The following CHL1 variants were observed in gnomAD, a reference collection of about 807,000 sequenced individuals.
The protein encoded by CHL1 is neural cell adhesion molecule L1-like protein.
Under a neutral mutation model 141.9 loss-of-function variants are expected in CHL1, and 96 were observed. That is an observed-to-expected ratio of 0.68 (90% confidence interval 0.57 to 0.80). The LOEUF (loss-of-function observed/expected upper bound fraction) is 0.80. Among genes scored for constraint, CHL1 ranks in the 30% least tolerant of loss-of-function variants. The probability of loss-of-function intolerance (pLI) is 0.00; values close to 1 mark genes in which losing one functional copy is unlikely to be tolerated. For synonymous variants in CHL1, 613 were observed against 502.2 expected, an observed-to-expected ratio of 1.22 and a Z score of -2.95; for missense variants, 1,820 against 1,457.2, an observed-to-expected ratio of 1.25 and a Z score of -4.05.
At chr3:227,350 C>G (rs1701446876) in intron 1 of CHL1, among the ~76,000 whole-genome samples, 1 of 152,206 alleles carries the variant, frequency 6.6e-6, no homozygotes, top group Non-Finnish European at 1.5e-5. Flanking sequence ...TGTGTGCAAG[C>G]TCCAGTGATG....
chr3:229,325 G>T (rs561171155), intron 1 of CHL1, among the ~76,000 whole-genome samples: 1 of 152,186 alleles, frequency 6.6e-6, no homozygotes, highest in African/African-American at 2.4e-5. Flanking sequence ...GGAGAAAATG[G>T]CATTCACAGA....
intron 2 of CHL1, among the ~76,000 whole-genome samples, chr3:313,334 G>A (rs981894187): frequency 9.9e-5 from 15 of 152,148 alleles, no homozygotes; most frequent in African/African-American, 3.1e-4. Flanking sequence ...AATGTGCTAT[G>A]TCAAACCAGC....
intron 1 of CHL1, among the ~76,000 whole-genome samples, chr3:230,763 G>A (rs1316236620): frequency 6.6e-6 from 1 of 151,970 alleles, no homozygotes; most frequent in Non-Finnish European, 1.5e-5. Flanking sequence ...TATTCTTATA[G>A]GCAGATTGCA....
At chr3:401,325 A>G (rs1439459159) in intron 26 of CHL1, among the ~76,000 whole-genome samples, 1 of 152,194 alleles carries the variant, frequency 6.6e-6, no homozygotes, top group Non-Finnish European at 1.5e-5. Flanking sequence ...GAGAAATCAA[A>G]CTCAGTTGGG....
chr3:255,000 T>C (rs545507522), intron 2 of CHL1, among the ~76,000 whole-genome samples: 1 of 152,342 alleles, frequency 6.6e-6, no homozygotes, highest in African/African-American at 2.4e-5. Context: ...TTTCCTCAGA[T>C]ACCAGGATTT....
rs1284810282 is a variant in CHL1 at position 408,766 on chromosome 3, A to G, written c.*3055A>G. 1.3e-5 allele frequency: 2 copies of G among 152,140 alleles called. No individual in the cohort carries two copies. The highest frequency in any genetic ancestry group is 2.9e-5 in the Non-Finnish European group (2 of 68,010). 9.4% of individuals were successfully genotyped at this position (152,140 alleles called of 1,614,324 possible). ...GAAAATTAAGCAGGGTCTTTGCTAT[A>G]CAAAAGTGTTTTCCACTAATTTTGC... On this transcript the variant is annotated 3_prime_UTR_variant, in exon 28 of 28. Coordinates refer to ENST00000256509, the MANE Select transcript of CHL1 (RefSeq NM_006614.4).
intron 5 of CHL1, among the ~76,000 whole-genome samples, chr3:334,977 C>G (rs1467163416): frequency 6.6e-6 from 1 of 152,172 alleles, no homozygotes; most frequent in African/African-American, 2.4e-5. Flanking sequence ...TTTGCACATG[C>G]TATTAAAATA....
chr3:213,104 G>T (rs886737992), intron 1 of CHL1: 1 of 152,186 alleles, frequency 6.6e-6, no homozygotes, highest in Non-Finnish European at 1.5e-5. Flanking sequence ...CAGACTCTGG[G>T]CTTGAACCCT....
intron 15 of CHL1, among the ~76,000 whole-genome samples, chr3:367,068 A>G (rs1425548522): frequency 1.3e-5 from 2 of 152,282 alleles, no homozygotes; most frequent in Non-Finnish European, 2.9e-5. Flanking sequence ...ATAAAAGAGA[A>G]CATATAGAGG....
At chr3:209,424 T>A (rs1015548740) in intron 1 of CHL1, among the ~76,000 whole-genome samples, 4 of 152,150 alleles carry the variant, frequency 2.6e-5, no homozygotes. Context: ...CATTAAGAAA[T>A]TATTTTAAAA....
chr3:403,502 G>T (rs1268959345), intron 27 of CHL1, among the ~76,000 whole-genome samples: 1 of 151,984 alleles, frequency 6.6e-6, no homozygotes, highest in East Asian at 1.9e-4. Context: ...AGCTGAGATT[G>T]TGCCACTGCA....
intron 6 of CHL1, 152 bp downstream of exon 6, chr3:341,068 G>T (rs1256093161): frequency 1.2e-6 from 1 of 811,020 alleles, no homozygotes; most frequent in Non-Finnish European, 1.9e-6. Context: ...GATAAGATTT[G>T]TCTGTGAAGA....
intron 1 of CHL1, among the ~76,000 whole-genome samples, chr3:205,565 C>T (rs1699356232): frequency 6.6e-6 from 1 of 152,072 alleles, no homozygotes; most frequent in Non-Finnish European, 1.5e-5. Flanking sequence ...GAACGTAGTC[C>T]TGGCCAAAGA....
intron 16 of CHL1, among the ~76,000 whole-genome samples, chr3:381,873 T>C (rs1173715334): frequency 6.6e-6 from 1 of 152,176 alleles, no homozygotes; most frequent in African/African-American, 2.4e-5. Flanking sequence ...ATTAAGATGT[T>C]ATCTTCAGTT....
intron 2 of CHL1, among the ~76,000 whole-genome samples, chr3:295,597 C>T (rs994661764): frequency 5.9e-5 from 9 of 152,012 alleles, no homozygotes; most frequent in South Asian, 2.1e-4. Flanking sequence ...CCATCTCTGT[C>T]AGAGTTCTCA....
chr3:364,633 G>A (rs1188459060), intron 14 of CHL1, among the ~76,000 whole-genome samples: 1 of 152,046 alleles, frequency 6.6e-6, no homozygotes, highest in Non-Finnish European at 1.5e-5. Flanking sequence ...GAGGATTAAG[G>A]ACACTTTTTT....
chr3:216,332 T>C (rs185680625), intron 1 of CHL1, among the ~76,000 whole-genome samples: 1 of 152,342 alleles, frequency 6.6e-6, no homozygotes, highest in Admixed American at 6.5e-5. Context: ...CTTTTTGTTG[T>C]CCTGTGATTT....
intron 2 of CHL1, among the ~76,000 whole-genome samples, chr3:305,222 C>G (rs1699121560): frequency 1.3e-5 from 2 of 152,074 alleles, no homozygotes; most frequent in Admixed American, 6.6e-5. Flanking sequence ...TTTATTTAAT[C>G]TCAGGTTTTA....
At chr3:288,606 G>A (rs1042272784) in intron 2 of CHL1, among the ~76,000 whole-genome samples, 3 of 152,142 alleles carry the variant, frequency 2.0e-5, no homozygotes, top group Admixed American at 1.3e-4. Context: ...CAGGAGGGGG[G>A]CCATGAAGGA....
Sources: gnomAD v4.1 joint callset for allele counts (sites outside exome capture counted in the v4.1 genomes callset) on GRCh38, gnomAD v4.1.1 for gene constraint, MANE v1.5 for transcripts, NCBI Gene and HGNC (gene_info 2026-07-23, HGNC 2026-07-21) for gene names.